Variants in TYROBP observed in about 807,000 individuals in gnomAD.
TYROBP encodes the protein transmembrane immune signaling adaptor TYROBP.
A neutral mutation model predicts 17.1 loss-of-function variants in TYROBP; 14 were observed. The observed-to-expected ratio is 0.82, with a 90% CI of 0.54 to 1.28. TYROBP has a LOEUF of 1.28. Ranked by LOEUF, TYROBP falls within the 50% of genes most tolerant of loss-of-function variation. The pLI is 0.00. For missense variants in TYROBP, 161 were observed against 151.4 expected (o/e 1.06, Z -0.33); for synonymous variants, 73 against 67.4 (o/e 1.08, Z -0.41).
intron 4 of TYROBP, among the ~76,000 whole-genome samples, chr19:35,905,745 G>T (rs138937131): frequency 1.7e-3 from 251 of 151,964 alleles, no homozygotes; most frequent in African/African-American, 5.8e-3. Flanking sequence ...ACGAGGTCAG[G>T]AGATTGAGAC....
chr19:35,907,493 A>G lies in TYROBP; in HGVS notation c.182T>C (p.Val61Ala). 1.9e-6 allele frequency: 3 copies of G among 1,613,558 alleles called. No homozygotes were observed. The highest frequency in any genetic ancestry group is 3.3e-5 in the Admixed American group (2 of 59,992). ...AGGGACCAGCCGGCCCAGGAAGTAC[A>G]CGGCCAGGGCAATGAGCACTGTCAG... ...LVLTVLIALAVYFLGRLVPRG... is the reference protein window; with the variant it reads ...LVLTVLIALAAYFLGRLVPRG... Residue 61 changes from valine (V) to alanine (A), a missense_variant, in exon 3 of 5, where the codon GTG (valine) becomes GCG (alanine). Physicochemically the swap from Val to Ala is moderately conservative, Grantham distance 64. Transcript: ENST00000262629.
chr19:35,904,692 C>T (rs1975675761), intron 4 of TYROBP, 58 bp from the exon 5 acceptor site: 5 of 1,549,066 alleles, frequency 3.2e-6, no homozygotes, highest in Non-Finnish European at 3.5e-6. Flanking sequence ...CAGCCTTCTC[C>T]CAGTGGCCTG....
chr19:35,904,437 G>T lies in TYROBP; in HGVS notation c.*132C>A. 1.1e-6 allele frequency: 1 copy of T among 936,384 alleles called. No individual in the cohort carries two copies. Among genetic ancestry groups the T allele is most frequent in the Non-Finnish European group, 1.7e-6 (1 of 591,468 alleles). 58.0% of individuals were successfully genotyped at this position (936,384 alleles called of 1,614,324 possible). ...TTCATGTTTATTTTAGGAGAGTATT[G>T]GGGAGCGGTCTGGTCTCTCAGGGAT... On this transcript the variant is annotated 3_prime_UTR_variant, in exon 5 of 5. Transcript: ENST00000262629.
At chr19:35,906,515 G>GTCC (rs1568504147) in intron 4 of TYROBP, among the ~76,000 whole-genome samples, 2 of 151,968 alleles carry the variant, frequency 1.3e-5, no homozygotes, top group African/African-American at 4.8e-5. Flanking sequence ...GGGATGAAGG[G>GTCC]TCCTCAAACC....
rs551213049 is a variant in TYROBP, at chr19:35,906,618, A to G, written c.276+600T>C. Among the ~76,000 whole-genome samples the G allele has an allele frequency of 2.5e-3, 374 of 152,096 alleles. 3 individuals are homozygous for G. The highest frequency in any genetic ancestry group is 8.7e-3 in the African/African-American group (363 of 41,500). On this transcript the variant is annotated intron_variant, in intron 4 of 4. Transcript: ENST00000262629. ...CTACTGAGAGCGTCTCCCAGAAATCAGTCGTCCTAGGGCTGGGTTTCTTCC... is the reference window on the plus strand; with the variant it reads ...CTACTGAGAGCGTCTCCCAGAAATCGGTCGTCCTAGGGCTGGGTTTCTTCC...
chr19:35,907,813 G>A, intron 1 of TYROBP, 51 bp from the exon 2 acceptor site: 2 of 1,599,078 alleles, frequency 1.3e-6, no homozygotes, highest in East Asian at 2.2e-5. Flanking sequence ...GACGGGGGTG[G>A]GGGAGGCAAG....
chr19:35,907,983 C>T (rs545336238), intron 1 of TYROBP, among the ~76,000 whole-genome samples, 185 bp downstream of exon 1: 57 of 152,236 alleles, frequency 3.7e-4, no homozygotes, highest in African/African-American at 1.4e-3. Context: ...CTCTTCTCCC[C>T]TGCTTGTAGC....
chr19:35,907,582 T>C lies in TYROBP; in HGVS notation c.95-2A>G. On this transcript the variant is annotated splice_acceptor_variant, in intron 2 of 4. Transcript: ENST00000262629. LOFTEE classifies it high-confidence loss of function. ...GGCTCACCGTAGAGCAACTGCAATC[T>C]GCAGCACAGGGGTCAGGGGAGGTCA... 3 of 1,614,016 alleles carry C rather than the reference T, an allele frequency of 1.9e-6. No homozygotes were observed. The highest frequency in any genetic ancestry group is 2.5e-6 in the Non-Finnish European group (3 of 1,180,010).
At chr19:35,907,807 G>A in intron 1 of TYROBP, 45 bp from the exon 2 acceptor site, 2 of 1,608,194 alleles carry the variant, frequency 1.2e-6, no homozygotes, top group East Asian at 2.2e-5. Flanking sequence ...AGTTATGACG[G>A]GGGTGGGGGA....
At position 35,907,498 on chromosome 19, in the gene TYROBP, C is replaced by T. The variant is rs940764664; in HGVS notation, c.177G>A (p.Leu59=). The T allele has an allele frequency of 2.5e-6, 4 of 1,613,594 alleles. No homozygotes were observed. Among genetic ancestry groups the T allele is most frequent in the Non-Finnish European group, 3.4e-6 (4 of 1,179,782 alleles). ...CCAGCCGGCCCAGGAAGTACACGGC[C>T]AGGGCAATGAGCACTGTCAGCACCA... ...GDLVLTVLIA[L]AVYFLGRLVP... Residue 59 remains leucine (L), a synonymous_variant, in exon 3 of 5, where the codon CTG becomes CTA. Transcript: ENST00000262629.
Position 35,907,225 on chromosome 19 carries a change from G to A in TYROBP, c.269C>T (p.Pro90Leu). Residue 90 changes from proline to leucine, a missense_variant, in exon 4 of 5, where the codon CCT becomes CTT. By Grantham distance (98) the Pro-to-Leu change is moderately conservative. Coordinates refer to ENST00000262629, the MANE Select transcript of TYROBP (RefSeq NM_003332.4). ...RKQRITETESPYQELQGQRSD... is the reference protein window; with the variant it reads ...RKQRITETESLYQELQGQRSD... ...ACAGTCTGGTTTTCTCACCTGATAA[G>A]GCGACTCGGTCTCAGTGATACGCTG... 6.2e-7 allele frequency: 1 copy of A among 1,603,454 alleles called. No homozygotes were observed. Among genetic ancestry groups the A allele is most frequent in the Non-Finnish European group, 8.5e-7 (1 of 1,175,494 alleles).
At chr19:35,905,492 G>A (rs1975698524) in intron 4 of TYROBP, among the ~76,000 whole-genome samples, 1 of 152,078 alleles carries the variant, frequency 6.6e-6, no homozygotes, top group African/African-American at 2.4e-5. Flanking sequence ...TAGATGACTA[G>A]ATTCTCTTGT....
Position 35,908,282 on chromosome 19 carries a change from G to T in TYROBP, c.-54C>A. ...GTAAGGGCCGGTGGGATGTGGCGCA[G>T]CGTCCAGGCAAGTGAAGGAGGAAGT... On this transcript the variant is annotated 5_prime_UTR_variant, in exon 1 of 5. It adds an upstream start codon to the 5' untranslated region. Coordinates refer to ENST00000262629, the MANE Select transcript of TYROBP (RefSeq NM_003332.4). 1 of 1,522,522 alleles carries T rather than the reference G, an allele frequency of 6.6e-7. No individual in the cohort carries two copies. Among genetic ancestry groups the T allele is most frequent in the Non-Finnish European group, 9.1e-7 (1 of 1,097,126 alleles). The allele number at this position is 1,522,522 out of a possible 1,614,324, so 94.3% of individuals were successfully genotyped here. A position where few individuals can be genotyped will look rare whatever the true frequency, so the allele number is the denominator to read the frequency against.
Position 35,908,265 on chromosome 19 carries a change from C to A in TYROBP, c.-37G>T. Reference sequence around the variant, plus strand: ...CTGCTGGACACCACAGTGTAAGGGCCGGTGGGATGTGGCGCAGCGTCCAGG... The same window carrying A: ...CTGCTGGACACCACAGTGTAAGGGCAGGTGGGATGTGGCGCAGCGTCCAGG... On this transcript the variant is annotated 5_prime_UTR_variant, in exon 1 of 5. Transcript: ENST00000262629. The A allele has an allele frequency of 6.3e-7, 1 of 1,594,362 alleles. No homozygotes were observed. The highest frequency in any genetic ancestry group is 1.7e-5 in the Admixed American group (1 of 59,948).
At chr19:35,906,871 C>G (rs1975737843) in intron 4 of TYROBP, among the ~76,000 whole-genome samples, 1 of 152,086 alleles carries the variant, frequency 6.6e-6, no homozygotes, top group Admixed American at 6.6e-5. Flanking sequence ...GGATTACAGG[C>G]ATGCGTTACC....
chr19:35,904,436 TG>T lies in TYROBP; in HGVS notation c.*132del. Reference sequence around the variant, plus strand: ...CTTCATGTTTATTTTAGGAGAGTATTGGGGAGCGGTCTGGTCTCTCAGGGAT... The same window carrying T: ...CTTCATGTTTATTTTAGGAGAGTATTGGGAGCGGTCTGGTCTCTCAGGGAT... On this transcript the variant is annotated 3_prime_UTR_variant, in exon 5 of 5. Coordinates refer to ENST00000262629, the MANE Select transcript of TYROBP (RefSeq NM_003332.4). 2 of 931,192 alleles carry T rather than the reference TG, an allele frequency of 2.1e-6. No homozygotes were observed. The allele number at this position is 931,192 out of a possible 1,614,324, so 57.7% of individuals were successfully genotyped here. A position where few individuals can be genotyped will look rare whatever the true frequency, so the allele number is the denominator to read the frequency against.
At position 35,908,231 on chromosome 19, in the gene TYROBP, A is replaced by G. The variant is rs1228389868; in HGVS notation, c.-3T>C. On this transcript the variant is annotated 5_prime_UTR_variant, in exon 1 of 5. Transcript: ENST00000262629. Reference sequence around the variant, plus strand: ...CTGCAGGGTTCAAGTCCCCCCATGAAGCCGGATGCTGCTGGACACCACAGT... The same window carrying G: ...CTGCAGGGTTCAAGTCCCCCCATGAGGCCGGATGCTGCTGGACACCACAGT... 12 of 1,613,732 alleles carry G rather than the reference A, an allele frequency of 7.4e-6. No homozygotes were observed. The highest frequency in any genetic ancestry group is 1.3e-5 in the African/African-American group (1 of 74,890).
chr19:35,905,033 T>C (rs1170011035), intron 4 of TYROBP, among the ~76,000 whole-genome samples: 1 of 152,114 alleles, frequency 6.6e-6, no homozygotes, highest in African/African-American at 2.4e-5. Context: ...GTTCATTTGC[T>C]TTAAGTTTGT....
In TYROBP at chr19:35,904,767, A is replaced by T. The variant is rs909982663; in HGVS notation, c.277-133T>A. The T allele has an allele frequency of 1.1e-5, 9 of 784,402 alleles. No homozygotes were observed. The African/African-American group carries it at 1.6e-4, about 14-fold the overall frequency. The allele number at this position is 784,402 out of a possible 1,614,324, so 48.6% of individuals were successfully genotyped here. On this transcript the variant is annotated intron_variant, in intron 4 of 4. Coordinates refer to ENST00000262629, the MANE Select transcript of TYROBP (RefSeq NM_003332.4). ...AGAGATCCGGATTTTATTCAAGTAC[A>T]TTCAATGTTCCCCCTTCTCCTCTGC... is the stretch of plus-strand genomic sequence containing the variant.
Sources: gnomAD v4.1 joint callset for allele counts (sites outside exome capture counted in the v4.1 genomes callset) on GRCh38, gnomAD v4.1.1 for gene constraint, MANE v1.5 for transcripts, NCBI Gene and HGNC (gene_info 2026-07-23, HGNC 2026-07-21) for gene names.